ITGA9: variants seen among roughly 807,000 people sequenced by gnomAD.
ITGA9 encodes integrin alpha-9.
A neutral mutation model predicts 127.8 loss-of-function variants in ITGA9; 56 were observed. That is an observed-to-expected ratio of 0.44 (90% confidence interval 0.35 to 0.55). The LOEUF (loss-of-function observed/expected upper bound fraction) is 0.55. Ranked by LOEUF, ITGA9 falls within the 20% of genes least tolerant of loss-of-function variation. The pLI is 0.00. For synonymous variants in ITGA9, 508 were observed against 514.5 expected, an observed-to-expected ratio of 0.99 and a Z score of 0.17; for missense variants, 1,196 against 1,347.1, an observed-to-expected ratio of 0.89 and a Z score of 1.76.
chr3:37,700,293 A>G (rs1559571768), intron 18 of ITGA9, among the ~76,000 whole-genome samples: 1 of 149,822 alleles, frequency 6.7e-6, no homozygotes, highest in Non-Finnish European at 1.5e-5. Flanking sequence ...CGGACATACT[A>G]TTTGTTTGTT....
At chr3:37,781,033 C>T (rs1371384319) in intron 25 of ITGA9, among the ~76,000 whole-genome samples, 1 of 152,228 alleles carries the variant, frequency 6.6e-6, no homozygotes, top group East Asian at 1.9e-4. Context: ...GAATCCTGGG[C>T]TCCACCCCAG....
intron 11 of ITGA9, 45 bp downstream of exon 11, chr3:37,519,399 C>T: frequency 1.4e-6 from 2 of 1,460,376 alleles, no homozygotes; most frequent in Non-Finnish European, 9.6e-7. Flanking sequence ...TACATTCATT[C>T]AGCAAACATG....
rs372269602 is a variant in ITGA9 at position 37,661,399 on chromosome 3, C to A, written c.1916+7609C>A. 1.2e-4 allele frequency among the ~76,000 whole-genome samples: 18 copies of A among 152,282 alleles called. No homozygotes were observed. In the South Asian group the frequency reaches 3.1e-3, roughly 26 times the overall value. ...TGGCCGAATCCTCCATTAAAGAAACCTTCGTTGTACTTTTGGGCCCATAGC... is the reference window on the plus strand; with the variant it reads ...TGGCCGAATCCTCCATTAAAGAAACATTCGTTGTACTTTTGGGCCCATAGC... On this transcript the variant is annotated intron_variant, in intron 17 of 27. Coordinates refer to ENST00000264741, the MANE Select transcript of ITGA9 (RefSeq NM_002207.3).
chr3:37,732,924 G>A, intron 19 of ITGA9, 126 bp downstream of exon 19: 1 of 733,582 alleles, frequency 1.4e-6, no homozygotes, highest in Non-Finnish European at 2.4e-6. Flanking sequence ...AGCTGGGGCG[G>A]CCACTGAAGC....
At chr3:37,623,673 ATGTGTGTGTGTGTGTGTCTG>A (rs1700147965) in intron 15 of ITGA9, among the ~76,000 whole-genome samples, 2 of 118,170 alleles carry the variant, frequency 1.7e-5, no homozygotes, top group Admixed American at 9.7e-5. Context: ...GTGTGTGTGT[ATGTGTGTGTGTGTGTGTCTG>A]TGTGTGTGTG....
At chr3:37,802,223 CA>C (rs11349401) in intron 26 of ITGA9, among the ~76,000 whole-genome samples, 12,761 of 151,036 alleles carry the variant, frequency 0.084, 1,098 homozygotes, top group African/African-American at 0.22. Context: ...CAAGAGATTG[CA>C]AAAAAAAGCA....
At chr3:37,490,320 C>T (rs529664863) in intron 4 of ITGA9, among the ~76,000 whole-genome samples, 11 of 152,290 alleles carry the variant, frequency 7.2e-5, no homozygotes, top group African/African-American at 2.6e-4. Context: ...AATAAGAGAG[C>T]TGAACATATT....
chr3:37,497,074 T>A (rs1436559531), intron 5 of ITGA9, among the ~76,000 whole-genome samples: 4 of 152,230 alleles, frequency 2.6e-5, no homozygotes, highest in Non-Finnish European at 4.4e-5. Context: ...TCATTTAATA[T>A]CCTTTTAAAA....
chr3:37,630,018 C>A (rs796765916), intron 16 of ITGA9, among the ~76,000 whole-genome samples: 4 of 152,300 alleles, frequency 2.6e-5, no homozygotes, highest in African/African-American at 9.6e-5. Flanking sequence ...TTTCTTGAAA[C>A]CCAAGATCAC....
intron 19 of ITGA9, chr3:37,733,079 C>T (rs1009932587): frequency 2.9e-5 from 13 of 441,650 alleles, no homozygotes; most frequent in African/African-American, 6.0e-5. Context: ...TAGCACGTGC[C>T]ATTTAGTTGA....
Position 37,734,844 on chromosome 3 carries a change from T to C in ITGA9, c.2154+2046T>C, listed in dbSNP as rs575822893. Reference sequence around the variant, plus strand: ...GTATGAACATTGGAATGTTGGTTGTTTTCCCAGCTGGTAATGCTACCACTT... The same window carrying C: ...GTATGAACATTGGAATGTTGGTTGTCTTCCCAGCTGGTAATGCTACCACTT... On this transcript the variant is annotated intron_variant, in intron 19 of 27. Transcript: ENST00000264741. Among the ~76,000 whole-genome samples, 13 of 152,330 alleles carry C rather than the reference T, an allele frequency of 8.5e-5. No homozygotes were observed. In the East Asian group the frequency reaches 2.3e-3, roughly 27 times the overall value.
At chr3:37,684,852 G>A (rs1575191830) in intron 18 of ITGA9, among the ~76,000 whole-genome samples, 1 of 152,296 alleles carries the variant, frequency 6.6e-6, no homozygotes, top group East Asian at 1.9e-4. Context: ...TAATTTGAAT[G>A]AAGTGAAGTT....
chr3:37,687,627 A>C (rs1187959386), intron 18 of ITGA9, among the ~76,000 whole-genome samples: 1 of 152,254 alleles, frequency 6.6e-6, no homozygotes, highest in Non-Finnish European at 1.5e-5. Context: ...AGCAGAAAAC[A>C]AAGAAACCAG....
chr3:37,769,005 T>C (rs1696811486), intron 23 of ITGA9, among the ~76,000 whole-genome samples: 1 of 152,058 alleles, frequency 6.6e-6, no homozygotes, highest in Non-Finnish European at 1.5e-5. Context: ...ACTGGTAAAA[T>C]GGCAAACTGG....
chr3:37,607,722 G>C (rs994898766), intron 15 of ITGA9, among the ~76,000 whole-genome samples: 1 of 152,172 alleles, frequency 6.6e-6, no homozygotes, highest in South Asian at 2.1e-4. Context: ...GAAGAAAGGG[G>C]TTAAAATGTC....
chr3:37,627,420 G>A (rs1382730743), intron 15 of ITGA9, among the ~76,000 whole-genome samples: 2 of 152,040 alleles, frequency 1.3e-5, no homozygotes, highest in Admixed American at 1.3e-4. Context: ...GCCCTCCAGT[G>A]TCTCTGCATG....
intron 16 of ITGA9, among the ~76,000 whole-genome samples, chr3:37,647,177 A>C (rs1404653491): frequency 2.0e-5 from 3 of 152,148 alleles, no homozygotes; most frequent in African/African-American, 7.2e-5. Flanking sequence ...TACCTAAGCC[A>C]AGACTTTGGC....
chr3:37,639,933 C>T (rs752090574), intron 16 of ITGA9, among the ~76,000 whole-genome samples: 1 of 152,146 alleles, frequency 6.6e-6, no homozygotes, highest in Admixed American at 6.5e-5. Context: ...TATCCCTCCT[C>T]CTCAGCTGAG....
chr3:37,640,352 G>A (rs893135718), intron 16 of ITGA9, among the ~76,000 whole-genome samples: 1 of 152,162 alleles, frequency 6.6e-6, no homozygotes, highest in African/African-American at 2.4e-5. Context: ...TGTTGAAGAT[G>A]GAGTATGTGA....
Sources: allele counts gnomAD v4.1 joint callset (sites outside exome capture counted in the v4.1 genomes callset), GRCh38; gene constraint gnomAD v4.1.1; transcripts MANE v1.5; gene names NCBI Gene and HGNC (gene_info 2026-07-23, HGNC 2026-07-21).